TMEM164: variants seen among roughly 807,000 people sequenced by gnomAD.
TMEM164 encodes the protein transmembrane protein 164, also known as RP13-360B22.2.
Under a neutral mutation model 18.8 loss-of-function variants are expected in TMEM164, and 4 were observed. That is an observed-to-expected ratio of 0.21 (90% CI 0.10 to 0.49). TMEM164 has a LOEUF of 0.49. Among genes scored for constraint, TMEM164 ranks in the 20% least tolerant of loss-of-function variants. The pLI is 0.98. For missense variants in TMEM164, 108 were observed against 239.9 expected, an observed-to-expected ratio of 0.45 and a Z score of 3.63; for synonymous variants, 86 against 101.7, an observed-to-expected ratio of 0.85 and a Z score of 0.93.
intron 2 of TMEM164, among the ~76,000 whole-genome samples, chrX:110,022,217 G>C (rs1933921324): frequency 8.9e-6 from 1 of 111,763 alleles, no homozygotes; most frequent in Non-Finnish European, 1.9e-5. Flanking sequence ...GTGTGTGTGT[G>C]TGTATTGAGT....
intron 4 of TMEM164, among the ~76,000 whole-genome samples, chrX:110,132,671 A>G (rs766196141): frequency 8.9e-6 from 1 of 112,010 alleles, no homozygotes; most frequent in South Asian, 3.7e-4. Context: ...GCCACAGAGT[A>G]TAACTGTAGT....
intron 3 of TMEM164, among the ~76,000 whole-genome samples, chrX:110,068,974 A>T (rs1218085392): frequency 8.9e-6 from 1 of 111,741 alleles, no homozygotes; most frequent in Non-Finnish European, 1.9e-5. Flanking sequence ...CAGTCTATTG[A>T]TGTAGCTCTT....
At chrX:110,107,517 G>C (rs1320849694) in intron 3 of TMEM164, among the ~76,000 whole-genome samples, 1 of 111,940 alleles carries the variant, frequency 8.9e-6, no homozygotes, top group African/African-American at 3.2e-5. Flanking sequence ...CAAAGTTTTG[G>C]TGACAAAGAA....
intron 3 of TMEM164, among the ~76,000 whole-genome samples, chrX:110,102,744 G>A (rs761678623): frequency 8.9e-6 from 1 of 112,010 alleles, no homozygotes; most frequent in South Asian, 3.7e-4. Context: ...TGAGGCAATT[G>A]ACACATATTT....
intron 4 of TMEM164, among the ~76,000 whole-genome samples, chrX:110,131,066 C>T (rs1298015088): frequency 8.9e-6 from 1 of 112,191 alleles, no homozygotes; most frequent in Non-Finnish European, 1.9e-5. Flanking sequence ...ATGAACCTGG[C>T]TCCAACTTAA....
intron 2 of TMEM164, among the ~76,000 whole-genome samples, chrX:110,053,276 G>T (rs1056469700): frequency 1.8e-5 from 2 of 111,586 alleles, no homozygotes; most frequent in African/African-American, 6.5e-5. Flanking sequence ...AATTTTGGTT[G>T]ACAGGGTGCC....
At chrX:110,014,744 C>CTTTTTTTTTTTTT (rs142705177) in intron 2 of TMEM164, among the ~76,000 whole-genome samples, 2 of 54,235 alleles carry the variant, frequency 3.7e-5, no homozygotes, top group African/African-American at 7.5e-5. Context: ...TTGGTTGTTT[C>CTTTTTTTTTTTTT]TTTTTTTTTT....
downstream of TMEM164, among the ~76,000 whole-genome samples, chrX:110,179,389 A>G (rs1429811906): frequency 9.0e-6 from 1 of 111,724 alleles, no homozygotes; most frequent in Non-Finnish European, 1.9e-5. Flanking sequence ...TAGAATATAA[A>G]GCCCAGGCTC....
intron 3 of TMEM164, among the ~76,000 whole-genome samples, chrX:110,092,047 T>C (rs1480935752): frequency 3.6e-5 from 4 of 111,941 alleles, no homozygotes; most frequent in African/African-American, 1.3e-4. Context: ...CTGAGGGCTC[T>C]GTTCTGTTCC....
chrX:110,055,395 G>A (rs1434205064), intron 2 of TMEM164: 11 of 344,711 alleles, frequency 3.2e-5, no homozygotes, highest in South Asian at 1.9e-4. Flanking sequence ...ATTGAATGGC[G>A]CCACTAGGGT....
At chrX:110,107,972 G>A (rs1053761706) in intron 3 of TMEM164, among the ~76,000 whole-genome samples, 2 of 110,489 alleles carry the variant, frequency 1.8e-5, no homozygotes, top group Non-Finnish European at 3.8e-5. Flanking sequence ...ATCTCTTAGC[G>A]TTACAAACAC....
At chrX:110,004,818 T>G (rs908380449) in intron 2 of TMEM164, among the ~76,000 whole-genome samples, 12 of 111,920 alleles carry the variant, frequency 1.1e-4, no homozygotes, top group African/African-American at 3.9e-4. Context: ...GGTATTTCTT[T>G]TTTTGCAAAC....
chrX:110,046,595 G>A, intron 2 of TMEM164: 1 of 510,207 alleles, frequency 2.0e-6, no homozygotes, highest in Non-Finnish European at 2.4e-6. Flanking sequence ...TTCTCTTCTG[G>A]TGTCACTAGG....
intron 3 of TMEM164, among the ~76,000 whole-genome samples, chrX:110,094,256 A>G (rs896085568): frequency 2.7e-5 from 3 of 111,590 alleles, no homozygotes; most frequent in African/African-American, 9.8e-5. Context: ...TTTCTGTCTC[A>G]TTGATCTGTC....
chrX:110,048,711 A>C (rs1406845610), intron 2 of TMEM164, among the ~76,000 whole-genome samples: 1 of 111,853 alleles, frequency 8.9e-6, no homozygotes, highest in Non-Finnish European at 1.9e-5. Flanking sequence ...GGTTATTTGT[A>C]GCAGTCTCAA....
chrX:110,173,293 C>A lies in TMEM164; in HGVS notation c.736C>A (p.Pro246Thr). The part of the protein sequence containing the change: ...NNMLCPAISD[P>T]FYGPWYRIWA... ...CATGCTGTGTCCGGCCATCTCAGAC[C>A]CATTCTACGGCCCCTGGTATCGCAT... Residue 246 changes from proline to threonine, a missense_variant, in exon 7 of 7, where the codon CCA (proline) becomes ACA (threonine). Physicochemically the swap from Pro to Thr is conservative, Grantham distance 38. Transcript: ENST00000372068. The A allele has an allele frequency of 8.3e-7, 1 of 1,211,376 alleles. No individual in the cohort carries two copies. The highest frequency in any genetic ancestry group is 1.1e-6 in the Non-Finnish European group (1 of 895,466).
chrX:110,142,043 C>T (rs1327849693), intron 4 of TMEM164, among the ~76,000 whole-genome samples: 1 of 111,979 alleles, frequency 8.9e-6, no homozygotes, highest in Non-Finnish European at 1.9e-5. Context: ...TGGGGACAGT[C>T]TCTTGGCCAT....
At chrX:110,062,484 T>C (rs953772415) in intron 2 of TMEM164, among the ~76,000 whole-genome samples, 1 of 111,461 alleles carries the variant, frequency 9.0e-6, no homozygotes, top group Non-Finnish European at 1.9e-5. Flanking sequence ...TTAAATAATT[T>C]TTCTGGAGGG....
chrX:110,019,503 C>T (rs1051178116), intron 2 of TMEM164, among the ~76,000 whole-genome samples: 6 of 111,642 alleles, frequency 5.4e-5, no homozygotes, highest in South Asian at 3.8e-4. Flanking sequence ...ATCTACTACT[C>T]GACCCTTTAC....
Sources: allele counts gnomAD v4.1 joint callset (sites outside exome capture counted in the v4.1 genomes callset), GRCh38; gene constraint gnomAD v4.1.1; transcripts MANE v1.5; gene names NCBI Gene and HGNC (gene_info 2026-07-23, HGNC 2026-07-21).